The following TXNDC8 variants were observed in gnomAD, a reference collection of about 807,000 sequenced individuals.
TXNDC8 encodes the protein thioredoxin domain-containing protein 8.
TXNDC8 carries 15 observed loss-of-function variants against 12.9 expected under a neutral mutation model. The ratio of observed to expected loss-of-function variants is 1.16; its 90% CI spans 0.78 to 1.79. The LOEUF (loss-of-function observed/expected upper bound fraction) is 1.79, where lower values mean the gene tolerates loss of function less well. Among genes scored for constraint, TXNDC8 ranks in the 40% most tolerant of loss-of-function variants. TXNDC8 has a pLI of 0.00. For missense variants in TXNDC8, 128 were observed against 113.2 expected, an observed-to-expected ratio of 1.13 and a Z score of -0.59; for synonymous variants, 40 against 35.4, an observed-to-expected ratio of 1.13 and a Z score of -0.46.
intron 4 of TXNDC8, among the ~76,000 whole-genome samples, chr9:110,304,210 G>A (rs984902455): frequency 1.3e-5 from 2 of 152,160 alleles, no homozygotes; most frequent in Admixed American, 6.5e-5. Flanking sequence ...AAGAGTGTGA[G>A]GTTGGGATTG....
At chr9:110,335,667 C>T (rs1216781139) in intron 1 of TXNDC8, among the ~76,000 whole-genome samples, 1 of 152,186 alleles carries the variant, frequency 6.6e-6, no homozygotes, top group Non-Finnish European at 1.5e-5. Context: ...AGCCTGACTC[C>T]AGTTCCTATT....
At chr9:110,322,481 A>G in intron 3 of TXNDC8, 4 of 985,422 alleles carry the variant, frequency 4.1e-6, no homozygotes, top group Non-Finnish European at 4.8e-6. Flanking sequence ...TTGTTTATAA[A>G]TGTCCTCTCT....
intron 2 of TXNDC8, among the ~76,000 whole-genome samples, chr9:110,330,837 T>C (rs1176768567): frequency 2.0e-5 from 3 of 152,244 alleles, no homozygotes; most frequent in Admixed American, 6.5e-5. Flanking sequence ...AGGAAAAGTT[T>C]GTTGACCCCT....
intron 1 of TXNDC8, among the ~76,000 whole-genome samples, chr9:110,336,132 G>A (rs976005770): frequency 6.6e-6 from 1 of 152,144 alleles, no homozygotes; most frequent in Non-Finnish European, 1.5e-5. Flanking sequence ...ATGATTGTGA[G>A]GTCTTCCCAG....
At position 110,317,308 on chromosome 9, in the gene TXNDC8, C is replaced by A. The variant is rs188119068; in HGVS notation, c.195+8867G>T. Among the ~76,000 whole-genome samples the A allele has an allele frequency of 7.9e-5, 12 of 152,300 alleles. No individual in the cohort carries two copies. The East Asian group carries it at 1.9e-3, about 24-fold the overall frequency. On this transcript the variant is annotated intron_variant, in intron 3 of 4. Coordinates refer to ENST00000423740, the MANE Select transcript of TXNDC8 (RefSeq NM_001286946.2). ...TGTTCTCATGTTTCCACTGGAAAAT[C>A]TGCTCAAATGCCCAGTTTTGAGAAA...
chr9:110,337,466 G>T (rs910166065), intron 1 of TXNDC8, among the ~76,000 whole-genome samples: 1 of 152,080 alleles, frequency 6.6e-6, no homozygotes, highest in African/African-American at 2.4e-5. Context: ...CACAACTGAG[G>T]TACGATCCAT....
At chr9:110,325,214 A>G (rs959102157) in intron 3 of TXNDC8, among the ~76,000 whole-genome samples, 1 of 152,214 alleles carries the variant, frequency 6.6e-6, no homozygotes, top group Non-Finnish European at 1.5e-5. Context: ...GATAACTAAC[A>G]TAACACAGTA....
At chr9:110,326,329 T>A (rs952811729) in intron 2 of TXNDC8, 89 bp from the exon 4 acceptor site, 3 of 1,364,254 alleles carry the variant, frequency 2.2e-6, no homozygotes, top group Admixed American at 1.7e-5. Flanking sequence ...TTAGGAGGCG[T>A]GTCTGAAATT....
chr9:110,303,613 T>A lies in TXNDC8; in HGVS notation c.*69A>T. 6.4e-7 allele frequency: 1 copy of A among 1,570,080 alleles called. No homozygotes were observed. Among genetic ancestry groups the A allele is most frequent in the Non-Finnish European group, 8.7e-7 (1 of 1,154,096 alleles). ...TCACAAATGCACAAAGGTGAAACAT[T>A]TATTGATTCAAGTGCTGCGAAAATG... On this transcript the variant is annotated 3_prime_UTR_variant, in exon 5 of 5. Coordinates refer to ENST00000423740, the MANE Select transcript of TXNDC8 (RefSeq NM_001286946.2).
intron 1 of TXNDC8, 147 bp from the exon 2 acceptor site, chr9:110,334,467 C>T: frequency 1.6e-6 from 1 of 622,052 alleles, no homozygotes; most frequent in African/African-American, 1.9e-5. Flanking sequence ...TGGTCTCAAA[C>T]TCCTGGGCTC....
At chr9:110,329,373 A>C (rs10980325) in intron 2 of TXNDC8, 82 bp from the exon 3 acceptor site, 433,788 of 1,089,280 alleles carry the variant, frequency 0.4, 90,733 homozygotes, top group East Asian at 0.44. Context: ...TCAGTAGAAA[A>C]GAAAATTGAA....
intron 3 of TXNDC8, among the ~76,000 whole-genome samples, chr9:110,315,487 C>G (rs966038159): frequency 6.6e-6 from 1 of 152,144 alleles, no homozygotes; most frequent in Admixed American, 6.5e-5. Context: ...CTGGAGACAG[C>G]GGTCCCCTCC....
intron 3 of TXNDC8, among the ~76,000 whole-genome samples, chr9:110,313,776 G>A (rs1034755505): frequency 3.9e-5 from 6 of 152,118 alleles, no homozygotes; most frequent in Admixed American, 6.6e-5. Flanking sequence ...TTGTTCTTTT[G>A]TTTGTTGTTG....
At chr9:110,302,480 C>CA (rs1838289537), downstream of TXNDC8, among the ~76,000 whole-genome samples, 1 of 152,172 alleles carries the variant, frequency 6.6e-6, no homozygotes, top group African/African-American at 2.4e-5. Context: ...TATGCTTTGT[C>CA]AAAATCTCAG....
chr9:110,309,996 A>C (rs1838603975), intron 3 of TXNDC8, among the ~76,000 whole-genome samples: 5 of 152,188 alleles, frequency 3.3e-5, no homozygotes, highest in Admixed American at 3.3e-4. Context: ...AGAAAGTGGG[A>C]AACCAATAAT....
intron 3 of TXNDC8, among the ~76,000 whole-genome samples, chr9:110,308,868 T>C (rs1838556560): frequency 6.6e-6 from 1 of 152,236 alleles, no homozygotes; most frequent in South Asian, 2.1e-4. Context: ...GGGCAGATTC[T>C]TCTTAGGTCT....
At chr9:110,317,302 G>A (rs551878316) in intron 3 of TXNDC8, among the ~76,000 whole-genome samples, 2 of 152,306 alleles carry the variant, frequency 1.3e-5, no homozygotes, top group Non-Finnish European at 2.9e-5. Context: ...GTTTCCACTG[G>A]AAAATCTGCT....
intron 3 of TXNDC8, among the ~76,000 whole-genome samples, chr9:110,311,091 G>A (rs1266339106): frequency 6.6e-6 from 1 of 152,186 alleles, no homozygotes; most frequent in Non-Finnish European, 1.5e-5. Context: ...GCCCAGGAAT[G>A]AACAAAGACA....
chr9:110,303,652 G>A lies in TXNDC8; in HGVS notation c.*30C>T, dbSNP rs1392853287. 4 of 1,597,838 alleles carry A rather than the reference G, an allele frequency of 2.5e-6. No homozygotes were observed. The highest frequency in any genetic ancestry group is 2.3e-5 in the East Asian group (1 of 44,220). On this transcript the variant is annotated 3_prime_UTR_variant, in exon 5 of 5. Transcript: ENST00000423740. ...GCTGCGAAAATGTTGAGGCTTTAAGGAATTTTATTCCTGATTGAAAAGTTA... is the reference window on the plus strand; with the variant it reads ...GCTGCGAAAATGTTGAGGCTTTAAGAAATTTTATTCCTGATTGAAAAGTTA...
Sources: gnomAD v4.1 joint callset for allele counts (sites outside exome capture counted in the v4.1 genomes callset) on GRCh38, gnomAD v4.1.1 for gene constraint, MANE v1.5 for transcripts, NCBI Gene and HGNC (gene_info 2026-07-23, HGNC 2026-07-21) for gene names.